GSK3B: variants seen among roughly 807,000 people sequenced by gnomAD.
The protein encoded by GSK3B is glycogen synthase kinase 3 beta.
Under a neutral mutation model 56.4 loss-of-function variants are expected in GSK3B, and 15 were observed. The ratio of observed to expected loss-of-function variants is 0.27; its 90% confidence interval spans 0.18 to 0.41. The LOEUF is 0.41. Ranked by LOEUF, GSK3B falls within the 10% of genes least tolerant of loss-of-function variation. The probability of loss-of-function intolerance (pLI) is 1.00; values close to 1 mark genes in which losing one functional copy is unlikely to be tolerated. For missense variants in GSK3B, 300 were observed against 513.4 expected (o/e 0.58, Z 4.02); for synonymous variants, 181 against 188.9 (o/e 0.96, Z 0.34).
rs151018249 is a variant in GSK3B, at chr3:120,089,878, G to C, written c.88+3469C>G. Among the ~76,000 whole-genome samples, 233 of 152,140 alleles carry C rather than the reference G, an allele frequency of 1.5e-3. 1 individual carries two copies. The highest frequency in any genetic ancestry group is 5.5e-3 in the African/African-American group (228 of 41,512). The stretch of plus-strand genomic sequence containing the variant: ...AAAATGAAACATTGGTTTCACTATA[G>C]CAAGTAAAAAGTAGTATTTCAAATA... On this transcript the variant is annotated intron_variant, in intron 1 of 10. Coordinates refer to ENST00000264235, the MANE Select transcript of GSK3B (RefSeq NM_001146156.2).
rs1279320518 is a variant in GSK3B, at chr3:119,860,449, T to C, written c.1096+2970A>G. On this transcript the variant is annotated intron_variant, in intron 9 of 10. Coordinates refer to ENST00000264235, the MANE Select transcript of GSK3B (RefSeq NM_001146156.2). ...AGAGGTCTGATATTCTCCTGAGTTATGGATTTAGGCAATCAGAAAGATCTT... is the reference window on the plus strand; with the variant it reads ...AGAGGTCTGATATTCTCCTGAGTTACGGATTTAGGCAATCAGAAAGATCTT... 2.6e-5 allele frequency among the ~76,000 whole-genome samples: 4 copies of C among 152,220 alleles called. No homozygotes were observed. The East Asian group carries it at 5.8e-4, about 22-fold the overall frequency.
chr3:119,987,677 T>C (rs1210610616), intron 2 of GSK3B, among the ~76,000 whole-genome samples: 1 of 152,158 alleles, frequency 6.6e-6, no homozygotes, highest in African/African-American at 2.4e-5. Flanking sequence ...TCTATAAAAA[T>C]CTTACCTTAT....
intron 10 of GSK3B, among the ~76,000 whole-genome samples, chr3:119,827,129 CT>C (rs1401974381): frequency 6.6e-6 from 1 of 152,180 alleles, no homozygotes; most frequent in African/African-American, 2.4e-5. Context: ...AAAGCTCTTG[CT>C]ACAGCTGGGA....
In GSK3B at chr3:119,958,034, C is replaced by A. The variant is rs568249867; in HGVS notation, c.283-10683G>T. 4.6e-5 allele frequency among the ~76,000 whole-genome samples: 7 copies of A among 152,244 alleles called. No homozygotes were observed. In the East Asian group the frequency reaches 5.8e-4, roughly 13 times the overall value. ...TGCTGAGGCGAGGACCTATACCCCC[C>A]CAAGTGTCAAGGGAGGGAAGTGACT... On this transcript the variant is annotated intron_variant, in intron 2 of 10. Transcript: ENST00000264235.
At chr3:120,046,243 G>A (rs972569138) in intron 1 of GSK3B, among the ~76,000 whole-genome samples, 2 of 152,026 alleles carry the variant, frequency 1.3e-5, no homozygotes, top group Admixed American at 1.3e-4. Flanking sequence ...AAAAAGTGTG[G>A]GCCCTAATGG....
intron 7 of GSK3B, among the ~76,000 whole-genome samples, chr3:119,887,536 A>AGAC (rs2056449299): frequency 6.6e-6 from 1 of 152,152 alleles, no homozygotes; most frequent in African/African-American, 2.4e-5. Context: ...TTAACAGGTT[A>AGAC]GACACAGGGA....
chr3:120,064,268 T>C (rs779543475), intron 1 of GSK3B, among the ~76,000 whole-genome samples: 25 of 151,942 alleles, frequency 1.6e-4, no homozygotes, highest in Non-Finnish European at 3.5e-4. Context: ...GAAGTATTGA[T>C]ATGAATCACA....
chr3:119,905,148 G>A (rs1481910150), intron 7 of GSK3B, among the ~76,000 whole-genome samples: 1 of 151,628 alleles, frequency 6.6e-6, no homozygotes, highest in Non-Finnish European at 1.5e-5. Context: ...GAAAGCAGAA[G>A]CTGTGTCTGA....
chr3:119,999,721 T>C (rs1452540163), intron 2 of GSK3B, among the ~76,000 whole-genome samples: 1 of 152,126 alleles, frequency 6.6e-6, no homozygotes, highest in Non-Finnish European at 1.5e-5. Flanking sequence ...CAGGAAGAAT[T>C]TGACCTGAGT....
chr3:119,856,592 A>G (rs761449327), intron 9 of GSK3B, among the ~76,000 whole-genome samples: 55 of 152,160 alleles, frequency 3.6e-4, no homozygotes, highest in Non-Finnish European at 4.1e-4. Context: ...ACTAAATCTT[A>G]CCTGCCCCCT....
At chr3:119,962,532 T>C (rs1364523314) in intron 2 of GSK3B, among the ~76,000 whole-genome samples, 1 of 152,006 alleles carries the variant, frequency 6.6e-6, no homozygotes, top group East Asian at 1.9e-4. Context: ...CTGTAAGTCC[T>C]AGCCAGAGTA....
At chr3:119,967,278 A>G (rs1331726375) in intron 2 of GSK3B, among the ~76,000 whole-genome samples, 1 of 152,104 alleles carries the variant, frequency 6.6e-6, no homozygotes, top group African/African-American at 2.4e-5. Flanking sequence ...GAGTTTCACT[A>G]TGTTGGCCAG....
At chr3:119,865,173 G>T (rs2056160136) in intron 8 of GSK3B, among the ~76,000 whole-genome samples, 1 of 151,788 alleles carries the variant, frequency 6.6e-6, no homozygotes, top group African/African-American at 2.4e-5. Flanking sequence ...AACAGTATTG[G>T]CATATTTTAT....
At chr3:120,038,198 T>G (rs916831132) in intron 1 of GSK3B, among the ~76,000 whole-genome samples, 3 of 152,208 alleles carry the variant, frequency 2.0e-5, no homozygotes, top group African/African-American at 4.8e-5. Context: ...AGGCATAATA[T>G]GAAGTCAAAT....
At chr3:119,893,803 T>C (rs1013768155) in intron 7 of GSK3B, among the ~76,000 whole-genome samples, 4 of 152,026 alleles carry the variant, frequency 2.6e-5, no homozygotes, top group Admixed American at 2.0e-4. Context: ...TCAGGGTTTA[T>C]TGCCTTCCTT....
At chr3:119,908,430 AAAG>A (rs2056703903) in intron 6 of GSK3B, among the ~76,000 whole-genome samples, 1 of 152,198 alleles carries the variant, frequency 6.6e-6, no homozygotes, top group Non-Finnish European at 1.5e-5. Context: ...AAATGCCACA[AAAG>A]AATACCACCT....
At chr3:119,864,111 C>T (rs1459530998) in intron 8 of GSK3B, among the ~76,000 whole-genome samples, 1 of 152,132 alleles carries the variant, frequency 6.6e-6, no homozygotes, top group Admixed American at 6.5e-5. Flanking sequence ...TTCCAATAAA[C>T]AGAGCCTACC....
intron 9 of GSK3B, among the ~76,000 whole-genome samples, chr3:119,850,454 C>A (rs917611195): frequency 1.3e-5 from 2 of 152,214 alleles, no homozygotes; most frequent in African/African-American, 4.8e-5. Context: ...TTACTTACAA[C>A]TTTTCCCTGT....
chr3:119,958,382 GGGGTGGGTGGGT>G (rs57244190), intron 2 of GSK3B, among the ~76,000 whole-genome samples: 4 of 136,502 alleles, frequency 2.9e-5, no homozygotes, highest in African/African-American at 1.1e-4. Context: ...TATCGAAAAA[GGGGTGGGTGGGT>G]GGGTGGGTGT....
Sources: gnomAD v4.1 joint callset for allele counts (sites outside exome capture counted in the v4.1 genomes callset) on GRCh38, gnomAD v4.1.1 for gene constraint, MANE v1.5 for transcripts, NCBI Gene and HGNC (gene_info 2026-07-23, HGNC 2026-07-21) for gene names.